CDH3: variants seen among roughly 807,000 people sequenced by gnomAD.
The protein encoded by CDH3 is cadherin 3.
CDH3 carries 54 observed loss-of-function variants against 82.0 expected under a neutral mutation model. The ratio of observed to expected loss-of-function variants is 0.66; its 90% confidence interval spans 0.53 to 0.83. CDH3 has a LOEUF of 0.83. Among genes scored for constraint, CDH3 ranks in the 40% least tolerant of loss-of-function variants. The pLI is 0.00. For missense variants in CDH3, 1,054 were observed against 1,084.6 expected (o/e 0.97, Z 0.40); for synonymous variants, 446 against 437.9 (o/e 1.02, Z -0.23).
chr16:68,717,760 C>T (rs535671426), intron 1 of CDH3, among the ~76,000 whole-genome samples: 6 of 145,872 alleles, frequency 4.1e-5, no homozygotes, highest in East Asian at 4.0e-4. Flanking sequence ...GGGATAAGAG[C>T]GAGACATCCT....
intron 1 of CDH3, among the ~76,000 whole-genome samples, chr16:68,705,385 C>T (rs979588970): frequency 3.3e-5 from 5 of 151,976 alleles, no homozygotes; most frequent in Non-Finnish European, 5.9e-5. Context: ...TTTATTCATT[C>T]GTTTAACAAC....
chr16:68,655,989 A>G (rs577446683), intron 2 of CDH3, among the ~76,000 whole-genome samples: 95 of 152,326 alleles, frequency 6.2e-4, no homozygotes, highest in African/African-American at 2.2e-3. Flanking sequence ...CCAAGGAAGA[A>G]GAATTAGGCA....
rs1052550056 is a variant in CDH3 at position 68,691,810 on chromosome 16, A to G, written c.1886A>G (p.Gln629Arg). Residue 629 changes from glutamine to arginine, a missense_variant, in exon 13 of 16, where the codon CAG (glutamine) becomes CGG (arginine). Transcript: ENST00000264012. ...CTGTCTGACCATGGCAACAAAGAGCAGCTGACGGTGATCAGGGCCACTGTG... is the reference window on the plus strand; with the variant it reads ...CTGTCTGACCATGGCAACAAAGAGCGGCTGACGGTGATCAGGGCCACTGTG... The part of the protein sequence containing the change: ...LSLSDHGNKE[Q>R]LTVIRATVCD... 1 of 1,614,194 alleles carries G rather than the reference A, an allele frequency of 6.2e-7. No individual in the cohort carries two copies. The highest frequency in any genetic ancestry group is 8.5e-7 in the Non-Finnish European group (1 of 1,180,026).
intron 1 of CDH3, among the ~76,000 whole-genome samples, chr16:68,711,257 C>T (rs1962026859): frequency 6.6e-6 from 1 of 151,748 alleles, no homozygotes; most frequent in African/African-American, 2.4e-5. Context: ...TTGCCGTGAG[C>T]TGGGTTGCGG....
intron 13 of CDH3, 23 bp from the exon 14 acceptor site, chr16:68,695,232 C>T (rs1356276612): frequency 6.2e-6 from 10 of 1,614,006 alleles, no homozygotes; most frequent in Non-Finnish European, 6.8e-6. Context: ...AGAGGGAGCA[C>T]TCACACTCCC....
chr16:68,714,210 A>G (rs758738965), intron 1 of CDH3, among the ~76,000 whole-genome samples: 1 of 152,122 alleles, frequency 6.6e-6, no homozygotes, highest in Admixed American at 6.6e-5. Context: ...GTGGGATTAT[A>G]GGCGTGAGCC....
chr16:68,689,887 T>G (rs184887303), intron 12 of CDH3, among the ~76,000 whole-genome samples: 349 of 152,202 alleles, frequency 2.3e-3, no homozygotes, highest in Non-Finnish European at 4.0e-3. Context: ...CCCCAGTGAT[T>G]GGGGGCACTA....
chr16:68,651,680 G>A (rs1960252356), intron 2 of CDH3: 1 of 510,114 alleles, frequency 2.0e-6, no homozygotes, highest in African/African-American at 1.9e-5. Context: ...CTATGGCCTT[G>A]ATGAAGTTGG....
At chr16:68,677,069 C>T (rs1383898756) in intron 3 of CDH3, among the ~76,000 whole-genome samples, 1 of 152,158 alleles carries the variant, frequency 6.6e-6, no homozygotes, top group Non-Finnish European at 1.5e-5. Context: ...ACATGTGTTA[C>T]ATATTTATTT....
At chr16:68,649,872 A>G (rs913389968) in intron 2 of CDH3, among the ~76,000 whole-genome samples, 11 of 152,128 alleles carry the variant, frequency 7.2e-5, no homozygotes, top group East Asian at 5.8e-4. Context: ...CGTATCTACT[A>G]AAAACACAAA....
intron 13 of CDH3, among the ~76,000 whole-genome samples, chr16:68,693,511 A>G (rs1294430596): frequency 6.6e-6 from 1 of 152,100 alleles, no homozygotes; most frequent in Non-Finnish European, 1.5e-5. Context: ...TGGCATTTCC[A>G]TTTGCCGTTT....
In CDH3 at chr16:68,706,908, C is replaced by T. The variant is rs918641240; in HGVS notation, c.99+10985C>T. Among the ~76,000 whole-genome samples the T allele has an allele frequency of 3.9e-5, 6 of 152,064 alleles. 1 individual carries two copies. Among genetic ancestry groups the T allele is most frequent in the African/African-American group, 1.4e-4 (6 of 41,408 alleles). On this transcript the variant is annotated intron_variant, in intron 1 of 2. Coordinates refer to the CDH3 transcript ENST00000569080. ...AGGGGCAGAAGGGCAGGGTAGAGGC[C>T]CTTGCTGCCCAGTCTAAGGGAGTTT...
intron 6 of CDH3, 55 bp from the exon 7 acceptor site, chr16:68,679,744 T>TAGAC: frequency 1.9e-6 from 2 of 1,029,794 alleles, no homozygotes; most frequent in Non-Finnish European, 3.0e-6. Flanking sequence ...GTTCCAGAAG[T>TAGAC]AGACAGGGCT....
At chr16:68,732,732 A>G in the CDH3 span, among the ~76,000 whole-genome samples, 1 of 152,324 alleles carries the variant, frequency 6.6e-6, no homozygotes, top group African/African-American at 2.4e-5. Context: ...AGGTTTGTGT[A>G]CAGTCTCAGG....
In CDH3 at chr16:68,686,415, T is replaced by C. The variant is rs1380439732; in HGVS notation, c.1570+1065T>C. On this transcript the variant is annotated intron_variant, in intron 11 of 15. Transcript: ENST00000264012. Reference sequence around the variant, plus strand: ...AGCATTTAGAAAGTTTCTTCCACTCTTTGACCGAGTATTGGTTGAAAGGAG... The same window carrying C: ...AGCATTTAGAAAGTTTCTTCCACTCCTTGACCGAGTATTGGTTGAAAGGAG... 35 of 1,367,378 alleles carry C rather than the reference T, an allele frequency of 2.6e-5. No individual in the cohort carries two copies. The South Asian group carries it at 3.5e-4, about 14-fold the overall frequency. 84.7% of individuals were successfully genotyped at this position (1,367,378 alleles called of 1,614,324 possible).
intron 1 of CDH3, among the ~76,000 whole-genome samples, chr16:68,717,501 G>T (rs1453338058): frequency 6.6e-6 from 1 of 152,164 alleles, no homozygotes; most frequent in Non-Finnish European, 1.5e-5. Flanking sequence ...GGCCGAGCGC[G>T]GTGGCTCACG....
At position 68,698,288 on chromosome 16, in the gene CDH3, G is replaced by C; in HGVS notation, c.2378G>C (p.Ser793Thr). The C allele has an allele frequency of 6.2e-7, 1 of 1,614,256 alleles. No individual in the cohort carries two copies. Among genetic ancestry groups the C allele is most frequent in the South Asian group, 1.1e-5 (1 of 91,088 alleles). Residue 793 changes from serine (S) to threonine (T), a missense_variant, in exon 16 of 16, where the codon AGC becomes ACC. Physicochemically the swap from Ser to Thr is moderately conservative, Grantham distance 58. Coordinates refer to ENST00000264012, the MANE Select transcript of CDH3 (RefSeq NM_001793.6). ...AGCGGCTCCGACGCCGCGTCCCTGA[G>C]CTCCCTCACCTCCTCCGCCTCCGAC... ...EGSGSDAASL[S>T]SLTSSASDQD...
intron 2 of CDH3, among the ~76,000 whole-genome samples, chr16:68,649,465 A>G (rs1960177178): frequency 6.6e-6 from 1 of 152,226 alleles, no homozygotes; most frequent in Non-Finnish European, 1.5e-5. Flanking sequence ...ATCTGCATAG[A>G]TCAGGCACTG....
chr16:68,649,863 G>T lies in CDH3; in HGVS notation c.160+4113G>T, dbSNP rs555085147. The stretch of plus-strand genomic sequence containing the variant: ...AGCCTGGCCAACATGGCGAAATCCC[G>T]TATCTACTAAAAACACAAAAATTAG... On this transcript the variant is annotated intron_variant, in intron 2 of 15. Transcript: ENST00000264012. Among the ~76,000 whole-genome samples, 8 of 152,196 alleles carry T rather than the reference G, an allele frequency of 5.3e-5. No homozygotes were observed. The South Asian group carries it at 6.2e-4, about 12-fold the overall frequency.
Sources: allele counts gnomAD v4.1 joint callset (sites outside exome capture counted in the v4.1 genomes callset), GRCh38; gene constraint gnomAD v4.1.1; transcripts MANE v1.5; gene names NCBI Gene and HGNC (gene_info 2026-07-23, HGNC 2026-07-21).